The following TXNDC5 variants were observed in gnomAD, a reference collection of about 807,000 sequenced individuals.
The protein encoded by TXNDC5 is thioredoxin domain containing 5.
In TXNDC5, 44 loss-of-function variants were observed where a neutral mutation model predicts 52.6. That is an observed-to-expected ratio of 0.84 (90% confidence interval 0.66 to 1.08). TXNDC5 has a LOEUF of 1.08. TXNDC5 is among the 50% of genes least tolerant of loss of function. The probability of loss-of-function intolerance (pLI) is 0.00; values close to 1 mark genes in which losing one functional copy is unlikely to be tolerated. For missense variants in TXNDC5, 600 were observed against 565.5 expected, an observed-to-expected ratio of 1.06 and a Z score of -0.62; for synonymous variants, 241 against 234.4, an observed-to-expected ratio of 1.03 and a Z score of -0.26.
At chr6:7,892,976 GTAGT>G (rs1760245788) in intron 4 of TXNDC5, among the ~76,000 whole-genome samples, 1 of 152,202 alleles carries the variant, frequency 6.6e-6, no homozygotes, top group Admixed American at 6.5e-5. Context: ...GAACTGGACA[GTAGT>G]TACAGTGTGA....
rs1239289468 is a variant in TXNDC5, at chr6:7,910,723, C to G, written c.54G>C (p.Leu18=). The change falls in exon 1 of 10, where the codon CTG becomes CTC. Residue 18 remains leucine (L), a synonymous_variant. Transcript: ENST00000379757. ...CCAGCAGCAGCAGCAGCAGCGCAGT[C>G]AGGGCCGCCGGCCGGGCCAGCAGCG... ...LLPLLARPAA[L]TALLLLLLGH... is the part of the protein sequence containing the mutation. 1.9e-6 allele frequency: 2 copies of G among 1,043,754 alleles called. No individual in the cohort carries two copies. Among genetic ancestry groups the G allele is most frequent in the African/African-American group, 3.5e-5 (2 of 57,954 alleles). The allele number at this position is 1,043,754 out of a possible 1,614,324, so 64.7% of individuals were successfully genotyped here. A position where few individuals can be genotyped will look rare whatever the true frequency, so the allele number is the denominator to read the frequency against.
Position 7,910,552 on chromosome 6 carries a change from G to T in TXNDC5, c.225C>A (p.Ile75=), listed in dbSNP as rs1421725312. The part of the protein sequence containing the change: ...LYTADMFTHG[I]QSAAHFVMFF... ...ACATGACGAAGTGCGCGGCGCTCTG[G>T]ATCCCGTGCGTGAACATGTCGGCCG... Residue 75 remains isoleucine, a synonymous_variant, in exon 1 of 10, where the codon ATC becomes ATA. Transcript: ENST00000379757. The T allele has an allele frequency of 5.5e-6, 8 of 1,456,528 alleles. No homozygotes were observed. The highest frequency in any genetic ancestry group is 6.4e-6 in the Non-Finnish European group (7 of 1,094,526). The allele number at this position is 1,456,528 out of a possible 1,614,324, so 90.2% of individuals were successfully genotyped here. A position where few individuals can be genotyped will look rare whatever the true frequency, so the allele number is the denominator to read the frequency against.
At chr6:7,883,745 A>G (rs1305312351) in intron 9 of TXNDC5, among the ~76,000 whole-genome samples, 1 of 152,226 alleles carries the variant, frequency 6.6e-6, no homozygotes, top group Non-Finnish European at 1.5e-5. Context: ...GTATCTTTTA[A>G]TGATAAGGAA....
At chr6:7,888,622 T>C (rs1411499477) in intron 7 of TXNDC5, 83 bp downstream of exon 7, 1 of 1,484,836 alleles carries the variant, frequency 6.7e-7, no homozygotes, top group Non-Finnish European at 8.9e-7. Flanking sequence ...CCAAAGCATT[T>C]GAGGAGGCCT....
At chr6:7,887,148 C>CTTGG (rs1760010998) in intron 7 of TXNDC5, among the ~76,000 whole-genome samples, 1 of 152,150 alleles carries the variant, frequency 6.6e-6, no homozygotes, top group Non-Finnish European at 1.5e-5. Flanking sequence ...CCTACAAGAG[C>CTTGG]CCAACTAGGG....
Position 7,883,182 on chromosome 6 carries a change from G to A in TXNDC5, c.1261C>T (p.His421Tyr). 1.9e-6 allele frequency: 3 copies of A among 1,614,212 alleles called. No individual in the cohort carries two copies. The highest frequency in any genetic ancestry group is 1.1e-5 in the South Asian group (1 of 91,084). ...HSGGRDLDSL[H>Y]RFVLSQAKDE... ...TTCGCTTGGCTCAGGACAAAGCGGTGTAACGAGTCAAGGTCTCTGCCTCCA... is the reference window on the plus strand; with the variant it reads ...TTCGCTTGGCTCAGGACAAAGCGGTATAACGAGTCAAGGTCTCTGCCTCCA... Residue 421 changes from histidine (H) to tyrosine (Y), a missense_variant, in exon 10 of 10, where the codon CAC becomes TAC. Physicochemically the swap from His to Tyr is moderately conservative, Grantham distance 83 (BLOSUM62 2). Transcript: ENST00000379757.
chr6:7,909,157 T>C (rs1257723401), intron 1 of TXNDC5, among the ~76,000 whole-genome samples: 5 of 152,228 alleles, frequency 3.3e-5, no homozygotes, highest in African/African-American at 1.2e-4. Flanking sequence ...ATAGCCTGAA[T>C]ACAAGGTTAA....
At chr6:7,905,063 C>A (rs1760689572) in intron 1 of TXNDC5, among the ~76,000 whole-genome samples, 1 of 152,208 alleles carries the variant, frequency 6.6e-6, no homozygotes, top group African/African-American at 2.4e-5. Context: ...AGCCCTACTG[C>A]AGCATCTGCA....
chr6:7,899,854 T>A, intron 2 of TXNDC5, 173 bp from the exon 3 acceptor site: 1 of 495,126 alleles, frequency 2.0e-6, no homozygotes, highest in East Asian at 3.5e-5. Context: ...GATAATACAT[T>A]CAGTTAATCC....
rs1205018357 is a variant in TXNDC5 at position 7,881,960 on chromosome 6, A to AAGGGAGATAGAGGTGTTTAATC, written c.*1162_*1183dup. The AAGGGAGATAGAGGTGTTTAATC allele has an allele frequency of 1.3e-5, 2 of 152,628 alleles. No homozygotes were observed. Among genetic ancestry groups the AAGGGAGATAGAGGTGTTTAATC allele is most frequent in the Non-Finnish European group, 2.9e-5 (2 of 68,038 alleles). The allele number at this position is 152,628 out of a possible 1,614,324, so 9.5% of individuals were successfully genotyped here. A position where few individuals can be genotyped will look rare whatever the true frequency, so the allele number is the denominator to read the frequency against. ...CTTAAGCCTGTATGTGCTTATTCCC[A>AAGGGAGATAGAGGTGTTTAATC]AGGGAGATAGAGGTGTTTAATCACA... On this transcript the variant is annotated 3_prime_UTR_variant, in exon 10 of 10. Coordinates refer to ENST00000379757, the MANE Select transcript of TXNDC5 (RefSeq NM_030810.5).
chr6:7,891,633 G>A lies in TXNDC5; in HGVS notation c.720C>T (p.Val240=), dbSNP rs1280876721. Residue 240 remains valine, a synonymous_variant, in exon 5 of 10, where the codon GTC becomes GTT. Transcript: ENST00000379757. ...GGCTTTCACTCACCTTGCCAATCTTGACAGTTTCGGAATGTTCAAGGCCCA... is the reference window on the plus strand; with the variant it reads ...GGCTTTCACTCACCTTGCCAATCTTAACAGTTTCGGAATGTTCAAGGCCCA... ...LALGLEHSET[V]KIGKVDCTQH... 1.9e-6 allele frequency: 3 copies of A among 1,613,636 alleles called. No individual in the cohort carries two copies. Among genetic ancestry groups the A allele is most frequent in the Non-Finnish European group, 2.5e-6 (3 of 1,179,808 alleles).
intron 2 of TXNDC5, among the ~76,000 whole-genome samples, chr6:7,903,729 A>G (rs1732936949): frequency 6.6e-6 from 1 of 152,228 alleles, no homozygotes; most frequent in Non-Finnish European, 1.5e-5. Flanking sequence ...AACAAACAGC[A>G]AGGAAGTGAC....
At chr6:7,894,870 G>A (rs1191598466) in intron 4 of TXNDC5, 19 of 985,300 alleles carry the variant, frequency 1.9e-5, no homozygotes, top group African/African-American at 1.2e-4. Context: ...GCTAGTGTGC[G>A]GGTCACGTGT....
chr6:7,883,822 A>G (rs991881523), intron 9 of TXNDC5, among the ~76,000 whole-genome samples: 3 of 152,212 alleles, frequency 2.0e-5, no homozygotes, highest in African/African-American at 7.2e-5. Flanking sequence ...ACAAAGAAGA[A>G]AAAAAATGAC....
intron 4 of TXNDC5, among the ~76,000 whole-genome samples, chr6:7,893,307 A>G (rs1328863275): frequency 6.6e-6 from 1 of 152,270 alleles, no homozygotes; most frequent in Non-Finnish European, 1.5e-5. Context: ...AATGCACTTG[A>G]AGAAAATGGT....
At chr6:7,895,930 C>T (rs1355452110) in intron 3 of TXNDC5, among the ~76,000 whole-genome samples, 1 of 152,110 alleles carries the variant, frequency 6.6e-6, no homozygotes, top group Non-Finnish European at 1.5e-5. Context: ...GGGGTGGAGG[C>T]TGCAGTGAGC....
intron 7 of TXNDC5, 143 bp downstream of exon 7, chr6:7,888,562 G>T: frequency 9.6e-7 from 1 of 1,043,896 alleles, no homozygotes; most frequent in Non-Finnish European, 1.3e-6. Flanking sequence ...TGTTGAAAAC[G>T]CAACTGGAGC....
At chr6:7,888,568 G>A in intron 7 of TXNDC5, 137 bp downstream of exon 7, 1 of 1,135,536 alleles carries the variant, frequency 8.8e-7, no homozygotes, top group Non-Finnish European at 1.2e-6. Flanking sequence ...AAACGCAACT[G>A]GAGCCAACCA....
intron 7 of TXNDC5, among the ~76,000 whole-genome samples, chr6:7,888,414 G>A (rs554240202): frequency 1.3e-5 from 2 of 152,182 alleles, no homozygotes; most frequent in African/African-American, 2.4e-5. Context: ...TGAATGAAGC[G>A]GAAAGGAAGG....
Sources: allele counts gnomAD v4.1 joint callset (sites outside exome capture counted in the v4.1 genomes callset), GRCh38; gene constraint gnomAD v4.1.1; transcripts MANE v1.5; gene names NCBI Gene and HGNC (gene_info 2026-07-23, HGNC 2026-07-21).